Variants in RPL36A observed in about 807,000 individuals in gnomAD.
The protein encoded by RPL36A is ribosomal protein L36a.
For missense variants in RPL36A, 20 were observed against 81.0 expected, an observed-to-expected ratio of 0.25 and a Z score of 2.89; for synonymous variants, 25 against 28.5, an observed-to-expected ratio of 0.88 and a Z score of 0.39.
At chrX:101,392,651 A>G in intron 3 of RPL36A, 1 of 750,887 alleles carries the variant, frequency 1.3e-6, no homozygotes, top group Non-Finnish European at 1.6e-6. Context: ...TAGGAAATTG[A>G]GTATTTAAAA....
chrX:101,395,568 A>G (rs1927994598), intron 4 of RPL36A, 111 bp downstream of exon 4: 2 of 1,107,127 alleles, frequency 1.8e-6, no homozygotes, highest in Admixed American at 5.3e-5. Context: ...TAAAAATATT[A>G]GATCTATAGC....
chrX:101,395,626 GCAGCTTAA>G, intron 4 of RPL36A, 94 bp from the exon 5 acceptor site: 1 of 1,085,078 alleles, frequency 9.2e-7, no homozygotes, highest in African/African-American at 1.8e-5. Flanking sequence ...GAAGAATGAG[GCAGCTTAA>G]CAGCATGGTG....
At position 101,391,032 on chromosome X, in the gene RPL36A, G is replaced by T. The variant is rs782364696; in HGVS notation, c.-12G>T. ...GTTTCTTTCTTTCCGCGCCGATAGC[G>T]CTCACGCAAGCATGGTAGGACTTGC... On this transcript the variant is annotated 5_prime_UTR_variant, in exon 1 of 5. Coordinates refer to ENST00000553110, the MANE Select transcript of RPL36A (RefSeq NM_021029.6). The T allele has an allele frequency of 1.7e-6, 2 of 1,210,654 alleles. No individual in the cohort carries two copies. Among genetic ancestry groups the T allele is most frequent in the African/African-American group, 3.5e-5 (2 of 57,445 alleles).
chrX:101,395,593 G>A, intron 4 of RPL36A, 135 bp from the exon 5 acceptor site: 2 of 1,084,069 alleles, frequency 1.8e-6, no homozygotes, highest in Non-Finnish European at 2.5e-6. Context: ...GATATGTGAG[G>A]TCTTTTGCTA....
chrX:101,392,362 T>A, intron 3 of RPL36A: 1 of 844,796 alleles, frequency 1.2e-6, no homozygotes, highest in Non-Finnish European at 1.4e-6. Context: ...CTTAAAGTAA[T>A]TAGCACGATG....
chrX:101,391,648 C>T (rs1927809291), intron 2 of RPL36A, 84 bp downstream of exon 2: 3 of 1,193,029 alleles, frequency 2.5e-6, no homozygotes, highest in Non-Finnish European at 3.4e-6. Flanking sequence ...TCTCCCTCCA[C>T]GCCTGGCTTG....
chrX:101,391,098 C>T lies in RPL36A; in HGVS notation c.3+52C>T, dbSNP rs781948275. 25 of 1,162,915 alleles carry T rather than the reference C, an allele frequency of 2.1e-5. No homozygotes were observed. In the South Asian group the frequency reaches 4.3e-4, roughly 20 times the overall value. Reference sequence around the variant, plus strand: ...AACATCCAGCTTAATCTTTCCCCCCCTTCGTCGCCCGTGCTATGCCGGGAT... The same window carrying T: ...AACATCCAGCTTAATCTTTCCCCCCTTTCGTCGCCCGTGCTATGCCGGGAT... On this transcript the variant is annotated intron_variant, in intron 1 of 4. Coordinates refer to ENST00000553110, the MANE Select transcript of RPL36A (RefSeq NM_021029.6).
At position 101,391,464 on chromosome X, in the gene RPL36A, C is replaced by T. The variant is rs782717175; in HGVS notation, c.9C>T (p.Asn3=). ...CTGAACTGTTTCTTTACTAGGTTAA[C>T]GTCCCTAAAACCCGCCGGACTTTCT... MV[N]VPKTRRTFCK... is the part of the protein sequence containing the mutation. The change falls in exon 2 of 5, where the codon AAC becomes AAT. Residue 3 remains asparagine (N), a synonymous_variant. Coordinates refer to ENST00000553110, the MANE Select transcript of RPL36A (RefSeq NM_021029.6). The T allele has an allele frequency of 1.9e-5, 23 of 1,209,422 alleles. No homozygotes were observed. Among genetic ancestry groups the T allele is most frequent in the South Asian group, 1.4e-4 (8 of 56,825 alleles).
intron 3 of RPL36A, chrX:101,392,574 T>C: frequency 1.3e-6 from 1 of 754,758 alleles, no homozygotes; most frequent in African/African-American, 2.3e-5. Flanking sequence ...AGGTTCTAAC[T>C]AGGTTTTGGC....
Position 101,391,749 on chromosome X carries a change from T to C in RPL36A, c.110-6T>C. On this transcript the variant is annotated splice_region_variant and splice_polypyrimidine_tract_variant and intron_variant, in intron 2 of 4. Transcript: ENST00000553110. ...TTTTATAACAAATACCAATTCGTTT[T>C]CCCAGGAAAGCGGCGTTATGACAGG... is the stretch of plus-strand genomic sequence containing the variant. The C allele has an allele frequency of 8.3e-7, 1 of 1,211,243 alleles. No individual in the cohort carries two copies. Among genetic ancestry groups the C allele is most frequent in the Non-Finnish European group, 1.1e-6 (1 of 895,381 alleles).
intron 3 of RPL36A, among the ~76,000 whole-genome samples, chrX:101,394,153 A>G (rs5991930): frequency 1.7e-3 from 190 of 110,295 alleles, no homozygotes; most frequent in African/African-American, 5.9e-3. Context: ...AACATGATGA[A>G]ACCCCCATCT....
rs1337818563 is a variant in RPL36A, at chrX:101,395,888, A to G, written c.*140A>G. The G allele has an allele frequency of 1.8e-6, 1 of 561,563 alleles. No individual in the cohort carries two copies. The highest frequency in any genetic ancestry group is 2.8e-6 in the Non-Finnish European group (1 of 358,619). The allele number at this position is 561,563 out of a possible 1,213,427, so 46.3% of individuals were successfully genotyped here. A position where few individuals can be genotyped will look rare whatever the true frequency, so the allele number is the denominator to read the frequency against. The stretch of plus-strand genomic sequence containing the variant: ...GGGGAAATTTATGCCTCTTACTGGT[A>G]CTACTTGTTTTGCATTGAAGCTGAC... On this transcript the variant is annotated 3_prime_UTR_variant, in exon 5 of 5. Transcript: ENST00000553110.
At chrX:101,393,299 A>C (rs1337209394) in intron 3 of RPL36A, 5 of 110,848 alleles carry the variant, frequency 4.5e-5, no homozygotes, top group Non-Finnish European at 9.4e-5. Context: ...CTAAAAATCA[A>C]AACAAGTGGA....
rs377655880 is a variant in RPL36A, at chrX:101,391,097, C to G, written c.3+51C>G. 681 of 1,161,542 alleles carry G rather than the reference C, an allele frequency of 5.9e-4. 3 individuals carry two copies. In the African/African-American group the frequency reaches 8.3e-3, roughly 14 times the overall value. ...TAACATCCAGCTTAATCTTTCCCCC[C>G]CTTCGTCGCCCGTGCTATGCCGGGA... On this transcript the variant is annotated intron_variant, in intron 1 of 4. Transcript: ENST00000553110.
At chrX:101,392,303 G>A in intron 3 of RPL36A, 2 of 866,038 alleles carry the variant, frequency 2.3e-6, no homozygotes, top group Non-Finnish European at 2.8e-6. Flanking sequence ...GTATTCTCAG[G>A]CTGAGCGAGT....
At chrX:101,391,986 C>A in intron 3 of RPL36A, 164 bp downstream of exon 3, 1 of 1,171,259 alleles carries the variant, frequency 8.5e-7, no homozygotes, top group Non-Finnish European at 1.1e-6. Context: ...CAACTCATGT[C>A]TGACTAGTCC....
chrX:101,394,341 CAAT>C (rs1199040273), intron 3 of RPL36A, among the ~76,000 whole-genome samples: 2 of 104,680 alleles, frequency 1.9e-5, no homozygotes, highest in Admixed American at 1.0e-4. Flanking sequence ...AAAAAAAGAA[CAAT>C]AAAAAAAGTT....
intron 3 of RPL36A, 22 bp from the exon 4 acceptor site, chrX:101,395,313 C>G: frequency 1.7e-6 from 2 of 1,170,966 alleles, no homozygotes; most frequent in South Asian, 4.0e-5. Flanking sequence ...TTTATTAAGG[C>G]TTTAATTTAA....
intron 3 of RPL36A, 112 bp from the exon 4 acceptor site, chrX:101,395,223 C>T (rs1292885574): frequency 7.4e-6 from 6 of 815,660 alleles, no homozygotes; most frequent in Middle Eastern, 4.6e-4. Flanking sequence ...AGAATAGTTG[C>T]CCCACTATTC....
Sources: allele counts gnomAD v4.1 joint callset (sites outside exome capture counted in the v4.1 genomes callset), GRCh38; gene constraint gnomAD v4.1.1; transcripts MANE v1.5; gene names NCBI Gene and HGNC (gene_info 2026-07-23, HGNC 2026-07-21).